Variants in DAAM2 observed in about 807,000 individuals in gnomAD.
DAAM2 encodes dishevelled associated activator of morphogenesis 2.
In DAAM2, 39 loss-of-function variants were observed where a neutral mutation model predicts 120.7. The observed-to-expected ratio is 0.32, with a 90% CI of 0.25 to 0.42. DAAM2 has a LOEUF of 0.42. Among genes scored for constraint, DAAM2 ranks in the 10% least tolerant of loss-of-function variants. DAAM2 has a pLI of 1.00. For synonymous variants in DAAM2, 488 were observed against 524.9 expected (o/e 0.93, Z 0.96); for missense variants, 1,283 against 1,401.7 (o/e 0.92, Z 1.35).
At chr6:39,864,222 G>A (rs560831211) in intron 3 of DAAM2, among the ~76,000 whole-genome samples, 2 of 152,274 alleles carry the variant, frequency 1.3e-5, no homozygotes, top group South Asian at 4.1e-4. Context: ...TTCTGCCCGC[G>A]TCGTTGTCTG....
At chr6:39,837,338 A>G (rs1040199162) in intron 1 of DAAM2, among the ~76,000 whole-genome samples, 12 of 152,080 alleles carry the variant, frequency 7.9e-5, no homozygotes, top group African/African-American at 2.9e-4. Context: ...AATTGGCGTC[A>G]TTCATGGGTG....
At chr6:39,891,263 C>A in intron 17 of DAAM2, 78 bp from the exon 18 acceptor site, 1 of 1,149,158 alleles carries the variant, frequency 8.7e-7, no homozygotes, top group Non-Finnish European at 1.3e-6. Context: ...TGACCCAAGT[C>A]AGTACAGCTT....
chr6:39,901,244 G>A lies in DAAM2; in HGVS notation c.2812-58G>A. ...TGGCTAGAACCCAGCTAACCTCAGGGGCTGAGCCCAGCATGCTCCAGGGCA... is the reference window on the plus strand; with the variant it reads ...TGGCTAGAACCCAGCTAACCTCAGGAGCTGAGCCCAGCATGCTCCAGGGCA... On this transcript the variant is annotated intron_variant, in intron 23 of 24. Transcript: ENST00000274867. This position sits in a 1 kb window ranked among gnomAD's most constrained non-coding sequence, Gnocchi z 4.5. The A allele has an allele frequency of 1.3e-6, 2 of 1,525,222 alleles. No individual in the cohort carries two copies. The highest frequency in any genetic ancestry group is 1.8e-6 in the Non-Finnish European group (2 of 1,113,102). 94.5% of individuals were successfully genotyped at this position (1,525,222 alleles called of 1,614,324 possible). A position where few individuals can be genotyped will look rare whatever the true frequency, so the allele number is the denominator to read the frequency against.
At chr6:39,866,954 G>A (rs1181215366) in intron 5 of DAAM2, among the ~76,000 whole-genome samples, 5 of 152,192 alleles carry the variant, frequency 3.3e-5, no homozygotes, top group African/African-American at 1.2e-4. Context: ...CAAGTCCTTG[G>A]ATCTGTGAAT....
chr6:39,833,382 G>A (rs2114213670), intron 1 of DAAM2, among the ~76,000 whole-genome samples: 1 of 152,024 alleles, frequency 6.6e-6, no homozygotes, highest in Non-Finnish European at 1.5e-5. Flanking sequence ...TCAGCTCACT[G>A]CAACCTCTGC....
chr6:39,890,938 A>T (rs778422797), intron 17 of DAAM2, among the ~76,000 whole-genome samples: 50 of 151,934 alleles, frequency 3.3e-4, no homozygotes, highest in Middle Eastern at 3.4e-3. Flanking sequence ...ATAAAAAAAT[A>T]AAAAAAATTA....
At chr6:39,862,450 T>C (rs556085639) in intron 3 of DAAM2, 1 of 152,228 alleles carries the variant, frequency 6.6e-6, no homozygotes, top group South Asian at 2.1e-4. Flanking sequence ...TCCAAATTGA[T>C]TTACTATGGA....
At chr6:39,869,780 T>TTA (rs1554181763) in intron 7 of DAAM2, among the ~76,000 whole-genome samples, 1,033 of 99,194 alleles carry the variant, frequency 0.01, 8 homozygotes, top group East Asian at 0.026. Flanking sequence ...TTTTTTTTTT[T>TTA]AAAAACAATT....
At chr6:39,832,791 T>C (rs770143057) in intron 1 of DAAM2, among the ~76,000 whole-genome samples, 21 of 152,180 alleles carry the variant, frequency 1.4e-4, no homozygotes, top group Non-Finnish European at 1.6e-4. Flanking sequence ...TTGCTCTCTC[T>C]GCTGCTTGGG....
Position 39,901,570 on chromosome 6 carries a change from G to A in DAAM2, c.2982+98G>A, listed in dbSNP as rs1766487467. Reference sequence around the variant, plus strand: ...TGTGTGGGAGGAGGGCAGAGACTGAGGAACTGAGGAACACCATAGGGGTTG... The same window carrying A: ...TGTGTGGGAGGAGGGCAGAGACTGAAGAACTGAGGAACACCATAGGGGTTG... On this transcript the variant is annotated intron_variant, in intron 24 of 24. Transcript: ENST00000274867. The surrounding 1 kb of genome is among the most constrained non-coding windows in gnomAD (Gnocchi z 4.5). The A allele has an allele frequency of 2.3e-6, 3 of 1,310,998 alleles. No homozygotes were observed. Among genetic ancestry groups the A allele is most frequent in the Non-Finnish European group, 3.1e-6 (3 of 963,612 alleles). 81.2% of individuals were successfully genotyped at this position (1,310,998 alleles called of 1,614,324 possible).
chr6:39,795,540 T>C (rs1402401465), intron 1 of DAAM2, among the ~76,000 whole-genome samples: 2 of 152,162 alleles, frequency 1.3e-5, no homozygotes, highest in Non-Finnish European at 2.9e-5. Context: ...TATGAAAACA[T>C]TTATGCACAA....
At chr6:39,849,046 T>G (rs951939565) in intron 1 of DAAM2, 2 of 152,212 alleles carry the variant, frequency 1.3e-5, no homozygotes, top group African/African-American at 4.8e-5. Flanking sequence ...GTACGATATA[T>G]TAAGTGGAAT....
intron 1 of DAAM2, among the ~76,000 whole-genome samples, chr6:39,798,618 C>T (rs564638124): frequency 3.5e-4 from 53 of 152,246 alleles, no homozygotes; most frequent in Non-Finnish European, 4.9e-4. Flanking sequence ...ATTGCTGTGT[C>T]GGCCAGCAAT....
At position 39,902,465 on chromosome 6, in the gene DAAM2, G is replaced by C. The variant is rs1313183913; in HGVS notation, c.*428G>C. On this transcript the variant is annotated 3_prime_UTR_variant, in exon 25 of 25. Transcript: ENST00000274867. ...GAGGGAGCCCCTGAGAGGGAATCTG[G>C]TGAGGGAATCCAGACTCCCTTCTCT... 1 of 157,802 alleles carries C rather than the reference G, an allele frequency of 6.3e-6. No homozygotes were observed. Among genetic ancestry groups the C allele is most frequent in the Non-Finnish European group, 1.4e-5 (1 of 72,142 alleles). The allele number at this position is 157,802 out of a possible 1,614,324, so 9.8% of individuals were successfully genotyped here.
chr6:39,798,288 A>G (rs1761759010), intron 1 of DAAM2, among the ~76,000 whole-genome samples: 2 of 152,172 alleles, frequency 1.3e-5, no homozygotes, highest in African/African-American at 4.8e-5. Flanking sequence ...TCGCATCTGA[A>G]AAGTGGGGAT....
intron 22 of DAAM2, 122 bp from the exon 23 acceptor site, chr6:39,899,954 GC>G (rs202148247): frequency 9.1e-7 from 1 of 1,097,844 alleles, no homozygotes; most frequent in East Asian, 2.7e-5. Context: ...ACTTTGAGAT[GC>G]AGGGTGTTCC....
chr6:39,890,756 TAAAAG>T (rs927904174), intron 17 of DAAM2, among the ~76,000 whole-genome samples: 4 of 152,136 alleles, frequency 2.6e-5, no homozygotes, highest in African/African-American at 4.8e-5. Flanking sequence ...CAAGTTTGTT[TAAAAG>T]AAAAGAAAAA....
At chr6:39,879,823 A>C in intron 14 of DAAM2, 1 of 413,748 alleles carries the variant, frequency 2.4e-6, no homozygotes, top group Non-Finnish European at 4.5e-6. Context: ...AAAATAAGCA[A>C]AGAGCTTGGG....
At chr6:39,834,440 G>A (rs1212561669) in intron 1 of DAAM2, among the ~76,000 whole-genome samples, 2 of 152,232 alleles carry the variant, frequency 1.3e-5, no homozygotes, top group African/African-American at 4.8e-5. Context: ...CCTTTGATTT[G>A]CAGCAGTAGC....
Sources: gnomAD v4.1 joint callset for allele counts (sites outside exome capture counted in the v4.1 genomes callset) on GRCh38, gnomAD v4.1.1 for gene constraint, Gnocchi (gnomAD v3.1) non-coding constraint, MANE v1.5 for transcripts, NCBI Gene and HGNC (gene_info 2026-07-23, HGNC 2026-07-21) for gene names.